Variants in USH2A observed in about 807,000 individuals in gnomAD.
The protein encoded by USH2A is Usher syndrome 2A (autosomal recessive, mild).
Under a neutral mutation model 538.9 loss-of-function variants are expected in USH2A, and 443 were observed. The ratio of observed to expected loss-of-function variants is 0.82; its 90% CI spans 0.76 to 0.89. USH2A has a LOEUF of 0.89. USH2A is among the 40% of genes least tolerant of loss of function. USH2A has a pLI of 0.00. For missense variants in USH2A, 6,633 were observed against 6,324.8 expected (o/e 1.05, Z -1.65); for synonymous variants, 2,413 against 2,273.5 (o/e 1.06, Z -1.75).
chr1:215,983,716 A>C (rs903595182), intron 35 of USH2A, among the ~76,000 whole-genome samples: 1 of 152,228 alleles, frequency 6.6e-6, no homozygotes, highest in Non-Finnish European at 1.5e-5. Flanking sequence ...CAGGAAACCA[A>C]TGACAACTCA....
intron 61 of USH2A, among the ~76,000 whole-genome samples, chr1:215,716,310 C>T (rs143800807): frequency 9.9e-4 from 151 of 152,332 alleles, no homozygotes; most frequent in Middle Eastern, 3.4e-3. Flanking sequence ...TGCGTCTTGA[C>T]GGATTTGGGG....
At chr1:216,063,561 G>T (rs1196760883) in intron 30 of USH2A, among the ~76,000 whole-genome samples, 1 of 152,126 alleles carries the variant, frequency 6.6e-6, no homozygotes. Flanking sequence ...GGCAAGAAAT[G>T]TAGTGAAAAA....
At chr1:216,357,281 A>G (rs2038408270) in intron 4 of USH2A, among the ~76,000 whole-genome samples, 1 of 152,144 alleles carries the variant, frequency 6.6e-6, no homozygotes, top group Middle Eastern at 3.2e-3. Flanking sequence ...TCTATATACT[A>G]TATTCCTATA....
At chr1:216,015,517 A>C (rs1363237523) in intron 32 of USH2A, among the ~76,000 whole-genome samples, 1 of 152,210 alleles carries the variant, frequency 6.6e-6, no homozygotes, top group Non-Finnish European at 1.5e-5. Context: ...CAGATGAGCA[A>C]TTAACCATCA....
At chr1:215,744,977 A>G (rs1419987305) in intron 58 of USH2A, among the ~76,000 whole-genome samples, 1 of 152,104 alleles carries the variant, frequency 6.6e-6, no homozygotes, top group Non-Finnish European at 1.5e-5. Flanking sequence ...ACAGCTTTGT[A>G]TTTTCAACAG....
At chr1:216,193,763 GAGA>G (rs1209798328) in intron 19 of USH2A, among the ~76,000 whole-genome samples, 4 of 152,068 alleles carry the variant, frequency 2.6e-5, no homozygotes, top group Non-Finnish European at 5.9e-5. Flanking sequence ...GTAGGTAGAA[GAGA>G]AGAATTGTCT....
At chr1:215,686,666 G>A (rs1271499848) in intron 61 of USH2A, among the ~76,000 whole-genome samples, 1 of 151,946 alleles carries the variant, frequency 6.6e-6, no homozygotes, top group Admixed American at 6.6e-5. Context: ...AATAATGGAA[G>A]AACTTTTAAA....
At chr1:216,390,195 T>C (rs2102745157) in intron 3 of USH2A, among the ~76,000 whole-genome samples, 2 of 152,320 alleles carry the variant, frequency 1.3e-5, no homozygotes, top group Middle Eastern at 3.4e-3. Context: ...GGAAAACGTG[T>C]TTGCTTTAAA....
rs1488873634 is a variant in USH2A at position 216,017,801 on chromosome 1, C to T, written c.6326-17239G>A. On this transcript the variant is annotated intron_variant, in intron 32 of 71. Transcript: ENST00000307340. The stretch of plus-strand genomic sequence containing the variant: ...CTATTGTCAGCTTAGTAAAGTATCA[C>T]CTGAGAATGGTTCTCAATGAAAACC... Among the ~76,000 whole-genome samples the T allele has an allele frequency of 2.0e-5, 3 of 152,240 alleles. No individual in the cohort carries two copies. The East Asian group carries it at 5.8e-4, about 29-fold the overall frequency.
intron 3 of USH2A, among the ~76,000 whole-genome samples, chr1:216,393,482 A>G (rs1017610771): frequency 7.9e-5 from 12 of 152,186 alleles, no homozygotes; most frequent in Non-Finnish European, 1.0e-4. Context: ...TAGTTGTTCC[A>G]GGTGATTTAG....
intron 35 of USH2A, among the ~76,000 whole-genome samples, chr1:215,976,565 T>A (rs923507082): frequency 6.6e-6 from 1 of 152,230 alleles, no homozygotes; most frequent in Non-Finnish European, 1.5e-5. Context: ...TCTATTGAGA[T>A]GATCGTGTGA....
intron 32 of USH2A, among the ~76,000 whole-genome samples, chr1:216,007,653 T>G (rs1473980893): frequency 6.6e-6 from 1 of 152,196 alleles, no homozygotes; most frequent in Non-Finnish European, 1.5e-5. Context: ...AAGATTTCAG[T>G]TGCCCAAGTG....
At chr1:216,298,700 A>G (rs2037153417) in intron 9 of USH2A, among the ~76,000 whole-genome samples, 1 of 152,196 alleles carries the variant, frequency 6.6e-6, no homozygotes, top group African/African-American at 2.4e-5. Flanking sequence ...GATTATGATA[A>G]TACCAGGGTG....
chr1:215,817,123 T>G lies in USH2A; in HGVS notation c.9444A>C (p.Lys3148Asn). ...GIILGYDLLW[K>N]TWYPCAKTQK... ...GAGTTTTAGCGCATGGATACCATGT[T>G]TTCCATAGGAGATCATATCCAAGAA... Residue 3148 changes from lysine (K) to asparagine (N), a missense_variant, in exon 48 of 72, where the codon AAA becomes AAC. Lys to Asn is a moderately conservative substitution (Grantham distance 94). Coordinates refer to ENST00000307340, the MANE Select transcript of USH2A (RefSeq NM_206933.4). 2 of 1,612,882 alleles carry G rather than the reference T, an allele frequency of 1.2e-6. No individual in the cohort carries two copies. Among genetic ancestry groups the G allele is most frequent in the Non-Finnish European group, 1.7e-6 (2 of 1,179,096 alleles).
At chr1:215,914,094 G>A (rs1210504248) in intron 38 of USH2A, among the ~76,000 whole-genome samples, 5 of 102,558 alleles carry the variant, frequency 4.9e-5, no homozygotes, top group Admixed American at 3.9e-4. Flanking sequence ...TTTTTTTTGA[G>A]ACAGAGTCTC....
intron 61 of USH2A, among the ~76,000 whole-genome samples, chr1:215,688,702 G>A (rs1658509700): frequency 6.6e-6 from 1 of 152,084 alleles, no homozygotes; most frequent in Non-Finnish European, 1.5e-5. Context: ...GATATCTCTG[G>A]TGTCTCTTCT....
chr1:216,193,611 C>T (rs1369127789), intron 19 of USH2A, among the ~76,000 whole-genome samples: 1 of 151,960 alleles, frequency 6.6e-6, no homozygotes. Flanking sequence ...GCTTAAAATC[C>T]AATGACTGGT....
intron 32 of USH2A, among the ~76,000 whole-genome samples, chr1:216,006,213 T>C (rs1042687990): frequency 2.6e-5 from 4 of 152,166 alleles, no homozygotes; most frequent in African/African-American, 9.7e-5. Flanking sequence ...TTCATAATCT[T>C]CAGAATGATT....
intron 35 of USH2A, among the ~76,000 whole-genome samples, chr1:215,973,741 T>C (rs1330804746): frequency 6.6e-6 from 1 of 151,376 alleles, no homozygotes; most frequent in Non-Finnish European, 1.5e-5. Context: ...CCTTGACATC[T>C]GGAACTATGG....
Sources: allele counts gnomAD v4.1 joint callset (sites outside exome capture counted in the v4.1 genomes callset), GRCh38; gene constraint gnomAD v4.1.1; transcripts MANE v1.5; gene names NCBI Gene and HGNC (gene_info 2026-07-23, HGNC 2026-07-21).